Variants in ARHGAP22 observed in about 807,000 individuals in gnomAD.
The protein encoded by ARHGAP22 is Rho GTPase activating protein 22, also known as rho GTPase-activating protein 22.
In ARHGAP22, 48 loss-of-function variants were observed where a neutral mutation model predicts 59.1. The observed-to-expected ratio is 0.81, with a 90% CI of 0.64 to 1.03. The LOEUF (loss-of-function observed/expected upper bound fraction) is 1.03. ARHGAP22 is among the 50% of genes least tolerant of loss of function. The probability of loss-of-function intolerance (pLI) is 0.00; values close to 1 mark genes in which losing one functional copy is unlikely to be tolerated. For synonymous variants in ARHGAP22, 445 were observed against 416.4 expected, an observed-to-expected ratio of 1.07 and a Z score of -0.84; for missense variants, 1,015 against 958.7, an observed-to-expected ratio of 1.06 and a Z score of -0.78.
intron 2 of ARHGAP22, among the ~76,000 whole-genome samples, chr10:48,576,732 C>T (rs888858821): frequency 1.3e-5 from 2 of 151,880 alleles, no homozygotes; most frequent in Admixed American, 6.6e-5. Flanking sequence ...TCACCACGTT[C>T]TATGGTCTCA....
intron 2 of ARHGAP22, among the ~76,000 whole-genome samples, chr10:48,559,307 C>G: frequency 6.6e-6 from 1 of 152,184 alleles, no homozygotes; most frequent in East Asian, 1.9e-4. Context: ...GGCCCTTTCC[C>G]CCTTCCCCAT....
intron 4 of ARHGAP22, among the ~76,000 whole-genome samples, chr10:48,462,546 A>T (rs1435361444): frequency 6.6e-6 from 1 of 152,210 alleles, no homozygotes; most frequent in Admixed American, 6.5e-5. Flanking sequence ...GGTATAGGGA[A>T]TGTACTCAGC....
intron 1 of ARHGAP22, among the ~76,000 whole-genome samples, chr10:48,626,603 A>G (rs2061457611): frequency 6.6e-6 from 1 of 152,174 alleles, no homozygotes; most frequent in African/African-American, 2.4e-5. Flanking sequence ...TGCATTTGCT[A>G]ATAACAAACT....
intron 3 of ARHGAP22, among the ~76,000 whole-genome samples, chr10:48,506,056 C>A (rs867985154): frequency 6.6e-6 from 1 of 152,214 alleles, no homozygotes; most frequent in African/African-American, 2.4e-5. Context: ...TCCCTCTTCA[C>A]GAGGAGTTCC....
At chr10:48,502,080 T>G (rs2051583134) in intron 3 of ARHGAP22, among the ~76,000 whole-genome samples, 1 of 152,228 alleles carries the variant, frequency 6.6e-6, no homozygotes, top group Admixed American at 6.5e-5. Flanking sequence ...AAGCCAGCCC[T>G]GTGTTTTGAG....
chr10:48,581,592 C>T (rs2059126080), intron 2 of ARHGAP22, among the ~76,000 whole-genome samples: 1 of 152,156 alleles, frequency 6.6e-6, no homozygotes, highest in South Asian at 2.1e-4. Flanking sequence ...TTCATCTGTG[C>T]TATTATTTGT....
chr10:48,465,454 T>C (rs1010261482), intron 4 of ARHGAP22, among the ~76,000 whole-genome samples: 1 of 152,242 alleles, frequency 6.6e-6, no homozygotes, highest in African/African-American at 2.4e-5. Flanking sequence ...TGAGCTGGGC[T>C]TGGCCACCTT....
intron 1 of ARHGAP22, among the ~76,000 whole-genome samples, chr10:48,590,292 T>A (rs1806438): frequency 2.6e-5 from 4 of 151,866 alleles, no homozygotes; most frequent in Non-Finnish European, 4.4e-5. Flanking sequence ...GACTGGCAGA[T>A]GTGGAGGCTG....
In ARHGAP22 at chr10:48,539,697, A is replaced by T. The variant is rs573035535; in HGVS notation, c.322+15766T>A. Among the ~76,000 whole-genome samples the T allele has an allele frequency of 5.3e-5, 8 of 152,342 alleles. No individual in the cohort carries two copies. The South Asian group carries it at 1.7e-3, about 32-fold the overall frequency. ...TATTTTAGCTGAATTTTAAAATGTTAGGCATTCTGAATACCTTTCCATAGA... is the reference window on the plus strand; with the variant it reads ...TATTTTAGCTGAATTTTAAAATGTTTGGCATTCTGAATACCTTTCCATAGA... On this transcript the variant is annotated intron_variant, in intron 3 of 9. Transcript: ENST00000249601.
intron 4 of ARHGAP22, among the ~76,000 whole-genome samples, chr10:48,475,500 G>T (rs577840717): frequency 3.2e-4 from 48 of 152,210 alleles, no homozygotes; most frequent in African/African-American, 1.1e-3. Context: ...CTTCCAAATA[G>T]CTGCAGTTCC....
intron 3 of ARHGAP22, among the ~76,000 whole-genome samples, chr10:48,518,498 G>T (rs530824119): frequency 2.0e-5 from 3 of 152,336 alleles, no homozygotes; most frequent in Middle Eastern, 3.4e-3. Flanking sequence ...TCAGGAAATA[G>T]TGACACTTAG....
chr10:48,472,161 T>G (rs947887992), intron 4 of ARHGAP22, among the ~76,000 whole-genome samples: 3 of 151,044 alleles, frequency 2.0e-5, no homozygotes, highest in East Asian at 1.9e-4. Context: ...TGAGCCCAGA[T>G]AGCATCACTG....
At chr10:48,550,091 G>A (rs1205446254) in intron 3 of ARHGAP22, among the ~76,000 whole-genome samples, 1 of 152,208 alleles carries the variant, frequency 6.6e-6, no homozygotes, top group African/African-American at 2.4e-5. Flanking sequence ...CACTGTGCTT[G>A]CCCATTGCTG....
intron 1 of ARHGAP22, among the ~76,000 whole-genome samples, chr10:48,632,554 T>C (rs2061664175): frequency 6.6e-6 from 1 of 152,230 alleles, no homozygotes; most frequent in African/African-American, 2.4e-5. Context: ...AGATTTTCTC[T>C]GTCTTTTGTT....
At chr10:48,431,286 A>C in the ARHGAP22 span, 1 of 1,571,694 alleles carries the variant, frequency 6.4e-7, no homozygotes, top group Non-Finnish European at 8.7e-7. Flanking sequence ...TTACAATATA[A>C]GCTTGGTTAA....
intron 9 of ARHGAP22, 37 bp from the exon 10 acceptor site, chr10:48,446,656 C>T (rs774808637): frequency 2.1e-5 from 34 of 1,584,348 alleles, no homozygotes; most frequent in Middle Eastern, 1.7e-4. Context: ...TGAGACTCTG[C>T]GGGCCAGGTT....
intron 3 of ARHGAP22, among the ~76,000 whole-genome samples, chr10:48,501,074 TGAAAA>T (rs1428114515): frequency 1.3e-5 from 2 of 151,922 alleles, no homozygotes; most frequent in Admixed American, 1.3e-4. Context: ...GAAAAGAAAG[TGAAAA>T]GACAAATGGC....
At chr10:48,496,464 A>G (rs569570093) in intron 3 of ARHGAP22, among the ~76,000 whole-genome samples, 1 of 152,328 alleles carries the variant, frequency 6.6e-6, no homozygotes, top group East Asian at 1.9e-4. Context: ...TTACAGATAA[A>G]GAAACTGAGG....
At chr10:48,490,270 G>A (rs932793636) in intron 3 of ARHGAP22, among the ~76,000 whole-genome samples, 1 of 152,270 alleles carries the variant, frequency 6.6e-6, no homozygotes, top group South Asian at 2.1e-4. Flanking sequence ...TTTAAGTACA[G>A]GATAGAGGGG....
Sources: allele counts gnomAD v4.1 joint callset (sites outside exome capture counted in the v4.1 genomes callset), GRCh38; gene constraint gnomAD v4.1.1; transcripts MANE v1.5; gene names NCBI Gene and HGNC (gene_info 2026-07-23, HGNC 2026-07-21).